Variants in ONECUT3 observed in about 807,000 individuals in gnomAD.
ONECUT3 encodes one cut domain family member 3.
A neutral mutation model predicts 16.8 loss-of-function variants in ONECUT3; 11 were observed. The observed-to-expected ratio is 0.66, with a 90% CI of 0.41 to 1.09. The LOEUF (loss-of-function observed/expected upper bound fraction) is 1.09, where lower values mean the gene tolerates loss of function less well. ONECUT3 is among the 50% of genes least tolerant of loss of function. ONECUT3 has a pLI of 0.00. For missense variants in ONECUT3, 637 were observed against 629.9 expected (o/e 1.01, Z -0.12); for synonymous variants, 344 against 310.7 (o/e 1.11, Z -1.13).
rs960871064 is a variant in ONECUT3, at chr19:1,777,681, G to A, written c.*2236G>A. 5 of 152,184 alleles carry A rather than the reference G, an allele frequency of 3.3e-5. No individual in the cohort carries two copies. Among genetic ancestry groups the A allele is most frequent in the Non-Finnish European group, 5.9e-5 (4 of 68,048 alleles). The allele number at this position is 152,184 out of a possible 1,614,324, so 9.4% of individuals were successfully genotyped here. A position where few individuals can be genotyped will look rare whatever the true frequency, so the allele number is the denominator to read the frequency against. ...TGGGCCCAGCAGGTCCAGGGCCCACGTTTTAATTTCTTTTTAAAAAGCTTT... is the reference window on the plus strand; with the variant it reads ...TGGGCCCAGCAGGTCCAGGGCCCACATTTTAATTTCTTTTTAAAAAGCTTT... On this transcript the variant is annotated 3_prime_UTR_variant, in exon 2 of 2. Coordinates refer to ENST00000382349, the MANE Select transcript of ONECUT3 (RefSeq NM_001080488.2).
chr19:1,769,630 C>G, intron 1 of ONECUT3, among the ~76,000 whole-genome samples: 1 of 149,996 alleles, frequency 6.7e-6, no homozygotes, highest in African/African-American at 2.5e-5. Flanking sequence ...GGTCAGGTGG[C>G]GGTGGTGATG....
intron 1 of ONECUT3, among the ~76,000 whole-genome samples, chr19:1,757,385 T>C (rs1766346579): frequency 6.6e-6 from 1 of 152,224 alleles, no homozygotes; most frequent in Non-Finnish European, 1.5e-5. Context: ...GGAGTCTGGG[T>C]TTCCTGTCGA....
At chr19:1,774,406 C>A (rs1394673447) in intron 1 of ONECUT3, among the ~76,000 whole-genome samples, 1 of 121,758 alleles carries the variant, frequency 8.2e-6, no homozygotes, top group Admixed American at 7.9e-5. Context: ...CATAGCAAGA[C>A]TTCCCCTCCG....
At position 1,753,743 on chromosome 19, in the gene ONECUT3, C is replaced by T; in HGVS notation, c.81C>T (p.His27=). ...AQAGELLSPG[H]ARSAAAQHRG... ...CGGGCGAGCTGCTGAGCCCGGGCCA[C>T]GCGCGCTCGGCGGCGGCGCAGCACC... Residue 27 remains histidine, a synonymous_variant, in exon 1 of 2, where the codon CAC becomes CAT. Coordinates refer to ENST00000382349, the MANE Select transcript of ONECUT3 (RefSeq NM_001080488.2). 9.8e-7 allele frequency: 1 copy of T among 1,020,948 alleles called. No individual in the cohort carries two copies. Among genetic ancestry groups the T allele is most frequent in the Non-Finnish European group, 1.2e-6 (1 of 855,142 alleles). 63.2% of individuals were successfully genotyped at this position (1,020,948 alleles called of 1,614,324 possible). A position where few individuals can be genotyped will look rare whatever the true frequency, so the allele number is the denominator to read the frequency against.
chr19:1,763,221 G>A (rs769724447), intron 1 of ONECUT3, among the ~76,000 whole-genome samples: 2 of 151,576 alleles, frequency 1.3e-5, no homozygotes, highest in Non-Finnish European at 2.9e-5. Flanking sequence ...AAAATTAGCC[G>A]GGCGTGGTGG....
intron 1 of ONECUT3, among the ~76,000 whole-genome samples, chr19:1,768,800 T>G: frequency 7.6e-6 from 1 of 131,306 alleles, no homozygotes; most frequent in African/African-American, 2.9e-5. Flanking sequence ...GGAGGAGGTG[T>G]GGGGAGGTGG....
Position 1,758,608 on chromosome 19 carries a change from G to A in ONECUT3, c.1192+3754G>A, listed in dbSNP as rs1245524192. Among the ~76,000 whole-genome samples, 2 of 152,148 alleles carry A rather than the reference G, an allele frequency of 1.3e-5. No individual in the cohort carries two copies. Among genetic ancestry groups the A allele is most frequent in the Non-Finnish European group, 2.9e-5 (2 of 68,032 alleles). ...ACACTGTCAGATTCTGGACCCCGTC[G>A]TCTGGGAGTCCTGCAGCCCCCAAGC... On this transcript the variant is annotated intron_variant, in intron 1 of 1. Coordinates refer to ENST00000382349, the MANE Select transcript of ONECUT3 (RefSeq NM_001080488.2). This position sits in a 1 kb window ranked among gnomAD's most constrained non-coding sequence, Gnocchi z 5.9.
rs894539315 is a variant in ONECUT3 at position 1,762,309 on chromosome 19, G to T, written c.1192+7455G>T. 6.6e-6 allele frequency among the ~76,000 whole-genome samples: 1 copy of T among 152,214 alleles called. No individual in the cohort carries two copies. Among genetic ancestry groups the T allele is most frequent in the Non-Finnish European group, 1.5e-5 (1 of 68,032 alleles). On this transcript the variant is annotated intron_variant, in intron 1 of 1. Coordinates refer to ENST00000382349, the MANE Select transcript of ONECUT3 (RefSeq NM_001080488.2). The surrounding 1 kb of genome is among the most constrained non-coding windows in gnomAD (Gnocchi z 4.4). ...CTCTCTGGGAGTCGGGACAGAAGCT[G>T]CTGGGCTCTCCTCCCTGGAGCTGGG...
In ONECUT3 at chr19:1,754,854, G is replaced by A. The variant is rs1476356080; in HGVS notation, c.1192G>A (p.Ala398Thr). 2.7e-6 allele frequency: 4 copies of A among 1,475,168 alleles called. No individual in the cohort carries two copies. Among genetic ancestry groups the A allele is most frequent in the Non-Finnish European group, 3.6e-6 (4 of 1,106,358 alleles). The allele number at this position is 1,475,168 out of a possible 1,614,324, so 91.4% of individuals were successfully genotyped here. A position where few individuals can be genotyped will look rare whatever the true frequency, so the allele number is the denominator to read the frequency against. The change falls in exon 1 of 2, where the codon GCC becomes ACC. Residue 398 changes from alanine to threonine, a missense_variant and splice_region_variant. By Grantham distance (58) the Ala-to-Thr change is moderately conservative (BLOSUM62 0). Around this residue, in one of 3 missense-constraint regions of ONECUT3, gnomAD observed 183 missense variants for 188.3 expected, o/e 0.97. Coordinates refer to ENST00000382349, the MANE Select transcript of ONECUT3 (RefSeq NM_001080488.2). The surrounding 1 kb of genome is among the most constrained non-coding windows in gnomAD (Gnocchi z 7.4). ...FQRMSALRLA[A>T]CKRKEQEQQK... The stretch of plus-strand genomic sequence containing the variant: ...GCGCATGTCGGCGCTGCGCTTGGCA[G>A]GTAGGAGCGTGGCGCGCAGGGCCAG...
At chr19:1,763,556 A>C (rs565496703) in intron 1 of ONECUT3, among the ~76,000 whole-genome samples, 1 of 151,772 alleles carries the variant, frequency 6.6e-6, no homozygotes, top group East Asian at 1.9e-4. Context: ...AAAAAATGAT[A>C]AACAAATAAA....
chr19:1,755,376 G>A lies in ONECUT3; in HGVS notation c.1192+522G>A, dbSNP rs545309662. ...CGCCTGCAGCTCAGCAGCAGAGGCC[G>A]AGCCCGCGCTCATCCCCCCACCTGC... On this transcript the variant is annotated intron_variant, in intron 1 of 1. Transcript: ENST00000382349. This position sits in a 1 kb window ranked among gnomAD's most constrained non-coding sequence, Gnocchi z 7.5. 3.9e-5 allele frequency among the ~76,000 whole-genome samples: 6 copies of A among 152,136 alleles called. No homozygotes were observed. Among genetic ancestry groups the A allele is most frequent in the African/African-American group, 1.4e-4 (6 of 41,504 alleles).
In ONECUT3 at chr19:1,769,592, A is replaced by T. The variant is rs186212080; in HGVS notation, c.1193-5561A>T. 4.7e-3 allele frequency among the ~76,000 whole-genome samples: 696 copies of T among 148,646 alleles called. 11 individuals carry two copies. Among genetic ancestry groups the T allele is most frequent in the African/African-American group, 0.016 (660 of 40,208 alleles). Reference sequence around the variant, plus strand: ...GCCTTTAGGATTGGTGTGGGGGTGAACCTGATGTTGGGTGGGGTGCTGGCG... The same window carrying T: ...GCCTTTAGGATTGGTGTGGGGGTGATCCTGATGTTGGGTGGGGTGCTGGCG... On this transcript the variant is annotated intron_variant, in intron 1 of 1. Coordinates refer to ENST00000382349, the MANE Select transcript of ONECUT3 (RefSeq NM_001080488.2).
At position 1,754,147 on chromosome 19, in the gene ONECUT3, C is replaced by CCA; in HGVS notation, c.486_487dup (p.Ser163ThrfsTer3). 1 of 1,050,182 alleles carries CCA rather than the reference C, an allele frequency of 9.5e-7. No homozygotes were observed. Among genetic ancestry groups the CCA allele is most frequent in the Non-Finnish European group, 1.1e-6 (1 of 872,072 alleles). The allele number at this position is 1,050,182 out of a possible 1,614,324, so 65.1% of individuals were successfully genotyped here. A position where few individuals can be genotyped will look rare whatever the true frequency, so the allele number is the denominator to read the frequency against. On this transcript the variant is annotated frameshift_variant, in exon 1 of 2. Transcript: ENST00000382349. LOFTEE classifies it high-confidence loss of function. The surrounding 1 kb of genome is among the most constrained non-coding windows in gnomAD (Gnocchi z 7.4). The stretch of plus-strand genomic sequence containing the variant: ...CCACCCCCGCCGCAGCGTCTGGCGG[C>CCA]CAGCGTGAGCGGCAGCTTCACCCTC...
Position 1,775,739 on chromosome 19 carries a change from A to C in ONECUT3, c.*294A>C. 1 of 287,908 alleles carries C rather than the reference A, an allele frequency of 3.5e-6. No individual in the cohort carries two copies. The highest frequency in any genetic ancestry group is 6.4e-6 in the Non-Finnish European group (1 of 156,558). 17.8% of individuals were successfully genotyped at this position (287,908 alleles called of 1,614,324 possible). ...GGGTTTCCCAGCCCCCTCTCCATTC[A>C]GGACGCCCAGAGGGCCTCGAGAAAA... On this transcript the variant is annotated 3_prime_UTR_variant, in exon 2 of 2. Coordinates refer to ENST00000382349, the MANE Select transcript of ONECUT3 (RefSeq NM_001080488.2).
At chr19:1,767,846 G>A (rs554924912) in intron 1 of ONECUT3, among the ~76,000 whole-genome samples, 108 of 152,254 alleles carry the variant, frequency 7.1e-4, no homozygotes, top group African/African-American at 2.4e-3. Context: ...CCCTGTGCAT[G>A]GGCTCAGATG....
chr19:1,775,375 G>T lies in ONECUT3; in HGVS notation c.1415G>T (p.Arg472Leu). 1 of 1,552,410 alleles carries T rather than the reference G, an allele frequency of 6.4e-7. No homozygotes were observed. Among genetic ancestry groups the T allele is most frequent in the South Asian group, 1.2e-5 (1 of 84,012 alleles). ...AACGCGCGGCGCCGCTGCATGAACCGCTGGGCTGAGGAGCCCAGCACGGCC... is the reference window on the plus strand; with the variant it reads ...AACGCGCGGCGCCGCTGCATGAACCTCTGGGCTGAGGAGCCCAGCACGGCC... ...FMNARRRCMN[R>L]WAEEPSTAPG... Residue 472 changes from arginine to leucine, a missense_variant, in exon 2 of 2, where the codon CGC (arginine) becomes CTC (leucine). Around this residue, in one of 3 missense-constraint regions of ONECUT3, gnomAD observed 183 missense variants for 188.3 expected, o/e 0.97. Coordinates refer to ENST00000382349, the MANE Select transcript of ONECUT3 (RefSeq NM_001080488.2).
intron 1 of ONECUT3, among the ~76,000 whole-genome samples, chr19:1,773,882 T>G (rs1356680351): frequency 6.6e-6 from 1 of 152,218 alleles, no homozygotes; most frequent in Non-Finnish European, 1.5e-5. Flanking sequence ...ACTTCGCTGC[T>G]GGAGCAGGAA....
rs2067965361 is a variant in ONECUT3, at chr19:1,764,267, C to G, written c.1192+9413C>G. Among the ~76,000 whole-genome samples the G allele has an allele frequency of 6.6e-6, 1 of 152,210 alleles. No homozygotes were observed. Among genetic ancestry groups the G allele is most frequent in the South Asian group, 2.1e-4 (1 of 4,826 alleles). On this transcript the variant is annotated intron_variant, in intron 1 of 1. Coordinates refer to ENST00000382349, the MANE Select transcript of ONECUT3 (RefSeq NM_001080488.2). This position sits in a 1 kb window ranked among gnomAD's most constrained non-coding sequence, Gnocchi z 5.0. Reference sequence around the variant, plus strand: ...GGGTGAGAGGTGCCCCCTGACACCCCCATGCCCCCACCCCATGGCGGCCCA... The same window carrying G: ...GGGTGAGAGGTGCCCCCTGACACCCGCATGCCCCCACCCCATGGCGGCCCA...
rs1022404176 is a variant in ONECUT3, at chr19:1,764,331, G to C, written c.1192+9477G>C. 2.6e-5 allele frequency among the ~76,000 whole-genome samples: 4 copies of C among 152,178 alleles called. No homozygotes were observed. The highest frequency in any genetic ancestry group is 9.7e-5 in the African/African-American group (4 of 41,444). Reference sequence around the variant, plus strand: ...GCCACGAGGGAGGGACAGCCCGAGAGTCCAAGTGGAAATGCGTTTCCCGGT... The same window carrying C: ...GCCACGAGGGAGGGACAGCCCGAGACTCCAAGTGGAAATGCGTTTCCCGGT... On this transcript the variant is annotated intron_variant, in intron 1 of 1. Coordinates refer to ENST00000382349, the MANE Select transcript of ONECUT3 (RefSeq NM_001080488.2). This position sits in a 1 kb window ranked among gnomAD's most constrained non-coding sequence, Gnocchi z 5.0.
Sources: gnomAD v4.1 joint callset for allele counts (sites outside exome capture counted in the v4.1 genomes callset) on GRCh38, gnomAD v4.1.1 for gene constraint, gnomAD v4.1.1 regional missense constraint, Gnocchi (gnomAD v3.1) non-coding constraint, MANE v1.5 for transcripts, NCBI Gene and HGNC (gene_info 2026-07-23, HGNC 2026-07-21) for gene names.